Variants in RIMS2 observed in about 807,000 individuals in gnomAD.
The protein encoded by RIMS2 is regulating synaptic membrane exocytosis protein 2.
A neutral mutation model predicts 174.4 loss-of-function variants in RIMS2; 59 were observed. The ratio of observed to expected loss-of-function variants is 0.34; its 90% CI spans 0.27 to 0.42. RIMS2 has a LOEUF of 0.42. Ranked by LOEUF, RIMS2 falls within the 10% of genes least tolerant of loss-of-function variation. RIMS2 has a pLI of 1.00. For missense variants in RIMS2, 1,620 were observed against 1,666.3 expected, an observed-to-expected ratio of 0.97 and a Z score of 0.48; for synonymous variants, 606 against 572.5, an observed-to-expected ratio of 1.06 and a Z score of -0.84.
chr8:103,735,422 T>C (rs1170094241), intron 2 of RIMS2, among the ~76,000 whole-genome samples: 1 of 152,170 alleles, frequency 6.6e-6, no homozygotes, highest in South Asian at 2.1e-4. Flanking sequence ...GGTGTTTTTA[T>C]TTACTCCTTT....
chr8:103,642,750 T>C (rs1452623986), intron 1 of RIMS2, among the ~76,000 whole-genome samples: 1 of 152,022 alleles, frequency 6.6e-6, no homozygotes, highest in African/African-American at 2.4e-5. Flanking sequence ...TCATTCTACC[T>C]TTTTCTTTTT....
intron 17 of RIMS2, among the ~76,000 whole-genome samples, chr8:104,003,803 A>C (rs1295778330): frequency 6.6e-6 from 1 of 152,154 alleles, no homozygotes; most frequent in Non-Finnish European, 1.5e-5. Flanking sequence ...TTTAATTAGA[A>C]ATGGTGATAA....
intron 19 of RIMS2, among the ~76,000 whole-genome samples, chr8:104,151,572 T>C (rs543712289): frequency 8.8e-6 from 1 of 114,106 alleles, no homozygotes; most frequent in East Asian, 2.2e-4. Context: ...TGTCCTGCAC[T>C]CCCCCAACTC....
At chr8:103,885,586 C>T (rs2099195580) in exon 4 of RIMS2, 4 of 1,612,808 alleles carry the variant, frequency 2.5e-6, no homozygotes, top group Non-Finnish European at 3.4e-6. Flanking sequence ...AGGAAGAGTA[C>T]CAGTCACGCT....
In RIMS2 at chr8:103,595,513, T is replaced by A. The variant is rs556513245; in HGVS notation, c.176+94451T>A. On this transcript the variant is annotated intron_variant, in intron 1 of 23. Coordinates refer to ENST00000504942, the Ensembl canonical transcript of RIMS2. ...AGAGGGAAGTAAGAAGAGTTAAGAT[T>A]TAGAAAAGGATAGACTTACTCTCAA... 2.2e-4 allele frequency among the ~76,000 whole-genome samples: 33 copies of A among 151,898 alleles called. No individual in the cohort carries two copies. In the South Asian group the frequency reaches 5.0e-3, roughly 23 times the overall value.
At chr8:103,922,720 A>T (rs1309571984) in intron 10 of RIMS2, 1 of 342,514 alleles carries the variant, frequency 2.9e-6, no homozygotes, top group Non-Finnish European at 6.1e-6. Flanking sequence ...TTAGCTATGA[A>T]ATTTCTCCTT....
chr8:103,885,637 A>G (rs3824117), exon 4 of RIMS2: 3 of 1,613,100 alleles, frequency 1.9e-6, no homozygotes, highest in East Asian at 2.2e-5. Context: ...CAGTAAAGCC[A>G]CAACCCTATG....
chr8:103,786,962 G>A (rs1194334086), intron 3 of RIMS2, among the ~76,000 whole-genome samples: 3 of 151,422 alleles, frequency 2.0e-5, no homozygotes, highest in Non-Finnish European at 2.9e-5. Flanking sequence ...CTCCTATATT[G>A]GGTGCATATA....
intron 1 of RIMS2, among the ~76,000 whole-genome samples, chr8:103,576,301 A>T (rs951462610): frequency 1.3e-5 from 2 of 152,232 alleles, no homozygotes; most frequent in African/African-American, 4.8e-5. Flanking sequence ...ACAAACAACC[A>T]TAAGAAAGAA....
At chr8:103,787,564 G>T (rs1446626379) in intron 3 of RIMS2, among the ~76,000 whole-genome samples, 1 of 152,062 alleles carries the variant, frequency 6.6e-6, no homozygotes, top group African/African-American at 2.4e-5. Flanking sequence ...ATTCTGGGTT[G>T]AAAATTCTTT....
intron 1 of RIMS2, among the ~76,000 whole-genome samples, chr8:103,588,823 G>C (rs183210008): frequency 6.6e-6 from 1 of 151,734 alleles, no homozygotes; most frequent in African/African-American, 2.4e-5. Flanking sequence ...AAAACATTGG[G>C]GAAGATATTT....
intron 14 of RIMS2, among the ~76,000 whole-genome samples, chr8:103,954,216 A>T (rs1356047859): frequency 1.3e-5 from 2 of 152,170 alleles, no homozygotes; most frequent in Admixed American, 1.3e-4. Flanking sequence ...ATTAACAAGG[A>T]TATTCAGGAC....
chr8:104,137,809 G>A (rs2098533627), intron 19 of RIMS2, among the ~76,000 whole-genome samples: 1 of 152,066 alleles, frequency 6.6e-6, no homozygotes, highest in Non-Finnish European at 1.5e-5. Flanking sequence ...TACTCTTTTA[G>A]TTATTTTTAA....
chr8:104,008,975 A>G (rs980599769), intron 17 of RIMS2, among the ~76,000 whole-genome samples: 3 of 152,042 alleles, frequency 2.0e-5, no homozygotes, highest in African/African-American at 7.2e-5. Flanking sequence ...CATGATTTCT[A>G]TGGCAAATAT....
chr8:103,750,843 G>C (rs940558437), intron 2 of RIMS2, among the ~76,000 whole-genome samples: 3 of 152,098 alleles, frequency 2.0e-5, no homozygotes, highest in Non-Finnish European at 4.4e-5. Context: ...TAAACCACTT[G>C]TCTTTATAAA....
intron 3 of RIMS2, among the ~76,000 whole-genome samples, chr8:103,835,811 A>G (rs1005293357): frequency 2.6e-5 from 4 of 152,226 alleles, no homozygotes; most frequent in Non-Finnish European, 1.5e-5. Flanking sequence ...TGTATGTCCT[A>G]ATTAAATAAT....
chr8:103,645,104 G>A (rs2135641773), intron 1 of RIMS2, among the ~76,000 whole-genome samples: 1 of 151,860 alleles, frequency 6.6e-6, no homozygotes, highest in Middle Eastern at 3.4e-3. Context: ...TGAATGTTTT[G>A]TTCTAAAAAG....
intron 14 of RIMS2, among the ~76,000 whole-genome samples, chr8:103,958,411 A>AG (rs2088421669): frequency 6.6e-6 from 1 of 152,106 alleles, no homozygotes; most frequent in Non-Finnish European, 1.5e-5. Flanking sequence ...TTGAGGGTGG[A>AG]GGGTGGGAGG....
At chr8:103,954,632 T>G (rs1490372990) in intron 14 of RIMS2, among the ~76,000 whole-genome samples, 1 of 152,124 alleles carries the variant, frequency 6.6e-6, no homozygotes, top group African/African-American at 2.4e-5. Flanking sequence ...TAGCACTAAA[T>G]GCCCACAAGA....
Sources: gnomAD v4.1 joint callset for allele counts (sites outside exome capture counted in the v4.1 genomes callset) on GRCh38, gnomAD v4.1.1 for gene constraint, MANE v1.5 for transcripts, NCBI Gene and HGNC (gene_info 2026-07-23, HGNC 2026-07-21) for gene names.